Variants in SGCG observed in about 807,000 individuals in gnomAD.
The protein encoded by SGCG is sarcoglycan gamma.
SGCG carries 26 observed loss-of-function variants against 29.3 expected under a neutral mutation model. The observed-to-expected ratio is 0.89, with a 90% CI of 0.65 to 1.23. SGCG has a LOEUF of 1.23. Among genes scored for constraint, SGCG ranks in the 50% most tolerant of loss-of-function variants. The pLI is 0.00. For missense variants in SGCG, 353 were observed against 356.0 expected (o/e 0.99, Z 0.07); for synonymous variants, 145 against 129.7 (o/e 1.12, Z -0.80).
At chr13:23,252,653 T>C (rs1321097085) in intron 4 of SGCG, among the ~76,000 whole-genome samples, 7 of 152,112 alleles carry the variant, frequency 4.6e-5, no homozygotes, top group African/African-American at 1.7e-4. Context: ...ATCGCATCAC[T>C]GCACTCCAGC....
intron 2 of SGCG, among the ~76,000 whole-genome samples, chr13:23,209,900 A>C (rs934297407): frequency 3.9e-5 from 6 of 152,242 alleles, no homozygotes; most frequent in Non-Finnish European, 7.3e-5. Flanking sequence ...ACACAGAAAT[A>C]GAAAACTAGT....
intron 6 of SGCG, among the ~76,000 whole-genome samples, chr13:23,315,720 A>G (rs1281668163): frequency 1.3e-5 from 2 of 152,234 alleles, no homozygotes; most frequent in Non-Finnish European, 2.9e-5. Flanking sequence ...CAGATATGCA[A>G]TTATATACTG....
intron 6 of SGCG, among the ~76,000 whole-genome samples, chr13:23,297,225 C>CT (rs1326637455): frequency 8.3e-6 from 1 of 120,274 alleles, no homozygotes; most frequent in Non-Finnish European, 1.8e-5. Context: ...CACAGACAAT[C>CT]TTTTATTTTT....
chr13:23,243,371 C>T (rs1879582020), intron 3 of SGCG: 2 of 152,278 alleles, frequency 1.3e-5, no homozygotes, highest in South Asian at 4.1e-4. Context: ...GTGCATGTGC[C>T]TTTTTCACAA....
chr13:23,245,821 G>A (rs949619231), intron 3 of SGCG: 2 of 152,204 alleles, frequency 1.3e-5, no homozygotes, highest in Non-Finnish European at 2.9e-5. Flanking sequence ...AGACAAGATG[G>A]TGATTGAGCG....
chr13:23,247,879 A>C (rs1879775792), intron 3 of SGCG, among the ~76,000 whole-genome samples: 2 of 149,996 alleles, frequency 1.3e-5, no homozygotes, highest in African/African-American at 2.5e-5. Context: ...TGAATCCACG[A>C]GTCTCAGGCT....
intron 2 of SGCG, among the ~76,000 whole-genome samples, chr13:23,205,393 C>T (rs755294579): frequency 4.6e-5 from 7 of 152,160 alleles, no homozygotes; most frequent in Non-Finnish European, 1.0e-4. Flanking sequence ...CTGCATCAGC[C>T]TGCTGTAGGA....
intron 2 of SGCG, among the ~76,000 whole-genome samples, chr13:23,223,998 G>A (rs1230978799): frequency 6.6e-6 from 1 of 152,118 alleles, no homozygotes; most frequent in African/African-American, 2.4e-5. Context: ...TTCAATCAAA[G>A]GTGTTGTGGA....
chr13:23,248,552 G>C (rs542800234), intron 3 of SGCG, among the ~76,000 whole-genome samples: 11 of 151,562 alleles, frequency 7.3e-5, no homozygotes, highest in African/African-American at 2.7e-4. Context: ...AAAATTAGCC[G>C]GCGTGGCAGC....
At chr13:23,252,042 T>A (rs1879988532) in intron 4 of SGCG, among the ~76,000 whole-genome samples, 1 of 152,222 alleles carries the variant, frequency 6.6e-6, no homozygotes, top group Non-Finnish European at 1.5e-5. Context: ...TGTATCTCTC[T>A]TTGGCCTGGA....
At chr13:23,258,271 T>G (rs1322656053) in intron 4 of SGCG, among the ~76,000 whole-genome samples, 1 of 152,192 alleles carries the variant, frequency 6.6e-6, no homozygotes, top group East Asian at 1.9e-4. Flanking sequence ...ACATCCCTTG[T>G]AAGTTGTATT....
rs975111058 is a variant in SGCG at position 23,285,494 on chromosome 13, T to C, written c.505+6016T>C. 3.0e-4 allele frequency among the ~76,000 whole-genome samples: 45 copies of C among 152,332 alleles called. No individual in the cohort carries two copies. In the East Asian group the frequency reaches 4.8e-3, roughly 16 times the overall value. ...CAAGTGTCCCAGGTCAACTTTAGAC[T>C]GCTGTGTTGGCAGCAAGAATTTCAA... is the stretch of plus-strand genomic sequence containing the variant. On this transcript the variant is annotated intron_variant, in intron 5 of 7. Coordinates refer to ENST00000218867, the MANE Select transcript of SGCG (RefSeq NM_000231.3).
Position 23,295,494 on chromosome 13 carries a change from A to G in SGCG, c.578+7A>G, listed in dbSNP as rs1881872240. 6.2e-7 allele frequency: 1 copy of G among 1,605,232 alleles called. No individual in the cohort carries two copies. Among genetic ancestry groups the G allele is most frequent in the African/African-American group, 1.3e-5 (1 of 74,754 alleles). On this transcript the variant is annotated splice_region_variant and intron_variant, in intron 6 of 7. Coordinates refer to ENST00000218867, the MANE Select transcript of SGCG (RefSeq NM_000231.3). ...ACCCGTTTCAAGACCTTAGGTAAGA[A>G]TTTTTGTTCAAATATTAACAACCTC...
At chr13:23,229,265 T>C (rs1879017757) in intron 2 of SGCG, among the ~76,000 whole-genome samples, 2 of 152,240 alleles carry the variant, frequency 1.3e-5, no homozygotes, top group African/African-American at 4.8e-5. Context: ...ACACAACGCA[T>C]GCATGTGTCT....
chr13:23,209,304 G>A (rs1036455938), intron 2 of SGCG, among the ~76,000 whole-genome samples: 42 of 152,116 alleles, frequency 2.8e-4, no homozygotes, highest in African/African-American at 9.9e-4. Context: ...AATTCATTTT[G>A]GAAACTAGCA....
At chr13:23,218,537 G>A (rs1052784298) in intron 2 of SGCG, among the ~76,000 whole-genome samples, 3 of 152,104 alleles carry the variant, frequency 2.0e-5, no homozygotes, top group Non-Finnish European at 4.4e-5. Flanking sequence ...AGGTAGTAAT[G>A]ATAAATATTA....
intron 3 of SGCG, among the ~76,000 whole-genome samples, chr13:23,249,967 C>T (rs1879898193): frequency 6.6e-6 from 1 of 152,194 alleles, no homozygotes. Context: ...ATAATCAACT[C>T]AGACTGCATG....
chr13:23,166,264 C>T, the SGCG span, among the ~76,000 whole-genome samples: 5 of 152,162 alleles, frequency 3.3e-5, no homozygotes, highest in Middle Eastern at 3.4e-3. Context: ...GGCAGAGTCT[C>T]GGCTCACTGC....
chr13:23,184,394 G>A (rs1300288256), intron 1 of SGCG, among the ~76,000 whole-genome samples: 1 of 151,262 alleles, frequency 6.6e-6, no homozygotes, highest in African/African-American at 2.4e-5. Flanking sequence ...TCTAGAGGGG[G>A]CAGTGATAGT....
Sources: allele counts gnomAD v4.1 joint callset (sites outside exome capture counted in the v4.1 genomes callset), GRCh38; gene constraint gnomAD v4.1.1; transcripts MANE v1.5; gene names NCBI Gene and HGNC (gene_info 2026-07-23, HGNC 2026-07-21).